SLC45A4: variants seen among roughly 807,000 people sequenced by gnomAD.
The protein encoded by SLC45A4 is polyamine-transporter SLC45A4.
Under a neutral mutation model 63.7 loss-of-function variants are expected in SLC45A4, and 32 were observed. The ratio of observed to expected loss-of-function variants is 0.50; its 90% CI spans 0.38 to 0.67. SLC45A4 has a LOEUF of 0.67. SLC45A4 is among the 30% of genes least tolerant of loss of function. The probability of loss-of-function intolerance (pLI) is 0.00; values close to 1 mark genes in which losing one functional copy is unlikely to be tolerated. For missense variants in SLC45A4, 1,027 were observed against 1,157.7 expected, an observed-to-expected ratio of 0.89 and a Z score of 1.64; for synonymous variants, 535 against 510.0, an observed-to-expected ratio of 1.05 and a Z score of -0.66.
intron 1 of SLC45A4, among the ~76,000 whole-genome samples, chr8:141,272,211 A>G (rs1229167530): frequency 6.6e-6 from 1 of 152,274 alleles, no homozygotes; most frequent in Non-Finnish European, 1.5e-5. Flanking sequence ...GCCATATTCT[A>G]ATCAGAGAAA....
chr8:141,217,923 A>T (rs1826269224), intron 5 of SLC45A4, 88 bp downstream of exon 5: 1 of 1,442,058 alleles, frequency 6.9e-7, no homozygotes, highest in African/African-American at 1.4e-5. Flanking sequence ...GGGCACGAGG[A>T]AGAGGCCCCC....
At chr8:141,306,649 A>T (rs891240790) in intron 1 of SLC45A4, among the ~76,000 whole-genome samples, 1 of 152,058 alleles carries the variant, frequency 6.6e-6, no homozygotes, top group South Asian at 2.1e-4. Context: ...TTGTTTTCTT[A>T]TTTTTTCCTA....
intron 5 of SLC45A4, among the ~76,000 whole-genome samples, chr8:141,217,513 C>T (rs1307882047): frequency 6.6e-6 from 1 of 152,232 alleles, no homozygotes; most frequent in African/African-American, 2.4e-5. Flanking sequence ...CTCTCGGAGC[C>T]ACTGCATGGA....
At chr8:141,273,103 A>C (rs1589839333) in intron 1 of SLC45A4, among the ~76,000 whole-genome samples, 1 of 152,346 alleles carries the variant, frequency 6.6e-6, no homozygotes, top group South Asian at 2.1e-4. Context: ...CATGAAAACA[A>C]GGACACACTG....
Position 141,254,899 on chromosome 8 carries a change from G to A in SLC45A4, c.-400-270C>T, listed in dbSNP as rs533613208. The A allele has an allele frequency of 6.7e-4, 255 of 381,268 alleles. 3 individuals carry two copies. Among genetic ancestry groups the A allele is most frequent in the South Asian group, 4.8e-3 (236 of 49,254 alleles). 23.6% of individuals were successfully genotyped at this position (381,268 alleles called of 1,614,324 possible). A position where few individuals can be genotyped will look rare whatever the true frequency, so the allele number is the denominator to read the frequency against. On this transcript the variant is annotated intron_variant, in intron 1 of 8. Coordinates refer to ENST00000517878, the MANE Select transcript of SLC45A4 (RefSeq NM_001286646.2). This position sits in a 1 kb window ranked among gnomAD's most constrained non-coding sequence, Gnocchi z 4.5. ...GATCAAAGAACAGACAGAGAAAAAC[G>A]CTGGAAATATTCACTCTTTGGCCAG... is the stretch of plus-strand genomic sequence containing the variant.
intron 2 of SLC45A4, among the ~76,000 whole-genome samples, chr8:141,236,392 G>A (rs768341375): frequency 2.0e-5 from 3 of 152,170 alleles, no homozygotes; most frequent in Non-Finnish European, 4.4e-5. Flanking sequence ...CATATCAAGT[G>A]TCTAACAGTT....
rs563311497 is a variant in SLC45A4 at position 141,243,274 on chromosome 8, G to A, written c.241+10715C>T. On this transcript the variant is annotated intron_variant, in intron 2 of 8. Transcript: ENST00000517878. ...GGTTTGAGCAAGCCTACACAGCGGT[G>A]TGGGGATGTGACCGAGAGCAGCTCC... Among the ~76,000 whole-genome samples, 9 of 152,314 alleles carry A rather than the reference G, an allele frequency of 5.9e-5. No homozygotes were observed. The East Asian group carries it at 1.7e-3, about 29-fold the overall frequency.
chr8:141,258,235 G>A (rs977520675), intron 1 of SLC45A4, among the ~76,000 whole-genome samples: 1 of 152,124 alleles, frequency 6.6e-6, no homozygotes, highest in Non-Finnish European at 1.5e-5. Flanking sequence ...TAACAGGAAA[G>A]AAGGCGACGG....
chr8:141,254,470 C>G lies in SLC45A4; in HGVS notation c.-241G>C. On this transcript the variant is annotated 5_prime_UTR_variant, in exon 2 of 9. Transcript: ENST00000517878. This position sits in a 1 kb window ranked among gnomAD's most constrained non-coding sequence, Gnocchi z 4.5. ...TTTAAACATATGGCTTGCTGGTTTACTGTGAATTAGAGTTAAAAATCCATA... is the reference window on the plus strand; with the variant it reads ...TTTAAACATATGGCTTGCTGGTTTAGTGTGAATTAGAGTTAAAAATCCATA... The G allele has an allele frequency of 1.5e-6, 1 of 667,526 alleles. No homozygotes were observed. The highest frequency in any genetic ancestry group is 1.6e-5 in the South Asian group (1 of 61,472). The allele number at this position is 667,526 out of a possible 1,614,324, so 41.4% of individuals were successfully genotyped here. A position where few individuals can be genotyped will look rare whatever the true frequency, so the allele number is the denominator to read the frequency against.
chr8:141,231,434 G>A (rs896117543), intron 2 of SLC45A4, among the ~76,000 whole-genome samples: 1 of 152,230 alleles, frequency 6.6e-6, no homozygotes, highest in African/African-American at 2.4e-5. Context: ...CTAAGTCCCC[G>A]AGGTCAAAGG....
At position 141,254,858 on chromosome 8, in the gene SLC45A4, C is replaced by A. The variant is rs915578017; in HGVS notation, c.-400-229G>T. On this transcript the variant is annotated intron_variant, in intron 1 of 8. Transcript: ENST00000517878. The surrounding 1 kb of genome is among the most constrained non-coding windows in gnomAD (Gnocchi z 4.5). ...ATCCTGGGGAAGGACAAAGGTGGGG[C>A]AATCAAGGAAAGCAGGATCAAAGAA... The A allele has an allele frequency of 4.8e-5, 21 of 436,450 alleles. No individual in the cohort carries two copies. Among genetic ancestry groups the A allele is most frequent in the African/African-American group, 3.8e-4 (19 of 49,774 alleles). The allele number at this position is 436,450 out of a possible 1,614,324, so 27.0% of individuals were successfully genotyped here.
intron 2 of SLC45A4, chr8:141,230,399 T>C: frequency 3.0e-6 from 1 of 328,626 alleles, no homozygotes; most frequent in East Asian, 8.4e-5. Context: ...GTGCCGAGGG[T>C]TCCCAGCACG....
chr8:141,269,173 G>C (rs1399848654), intron 1 of SLC45A4, among the ~76,000 whole-genome samples: 1 of 152,360 alleles, frequency 6.6e-6, no homozygotes, highest in East Asian at 1.9e-4. Flanking sequence ...CCCTGGCGGG[G>C]CAGCTACTAC....
chr8:141,258,059 CCTT>C (rs1452057053), intron 1 of SLC45A4, among the ~76,000 whole-genome samples: 211 of 114,762 alleles, frequency 1.8e-3, no homozygotes, highest in Non-Finnish European at 3.0e-3. Flanking sequence ...GTTTCTTCTT[CCTT>C]TTTTTTTTTT....
intron 2 of SLC45A4, among the ~76,000 whole-genome samples, chr8:141,236,180 T>C (rs950651230): frequency 3.9e-5 from 6 of 152,232 alleles, no homozygotes; most frequent in African/African-American, 1.4e-4. Flanking sequence ...CAGTGCCGAC[T>C]GTCCCTGAGG....
intron 1 of SLC45A4, among the ~76,000 whole-genome samples, chr8:141,281,922 G>A (rs1238645453): frequency 3.3e-5 from 5 of 151,908 alleles, no homozygotes; most frequent in Admixed American, 6.6e-5. Context: ...GGAGCTGCAC[G>A]GCACCTTTCC....
At position 141,208,554 on chromosome 8, in the gene SLC45A4, C is replaced by T. The variant is rs1825640519; in HGVS notation, c.*3018G>A. The T allele has an allele frequency of 6.6e-6, 1 of 152,506 alleles. No homozygotes were observed. Among genetic ancestry groups the T allele is most frequent in the Non-Finnish European group, 1.5e-5 (1 of 68,256 alleles). 9.4% of individuals were successfully genotyped at this position (152,506 alleles called of 1,614,324 possible). On this transcript the variant is annotated 3_prime_UTR_variant, in exon 9 of 9. Coordinates refer to ENST00000517878, the MANE Select transcript of SLC45A4 (RefSeq NM_001286646.2). ...CTGGACAGAGTGCTTCTCCCAGGGG[C>T]CTGAGGCTTTCAAGGGCAGGTGTCC...
At chr8:141,272,983 C>T (rs770172387) in intron 1 of SLC45A4, among the ~76,000 whole-genome samples, 1 of 152,166 alleles carries the variant, frequency 6.6e-6, no homozygotes, top group Non-Finnish European at 1.5e-5. Flanking sequence ...TAAACAGAAT[C>T]CCTCTTCATC....
At chr8:141,234,286 G>T (rs1368955899) in intron 2 of SLC45A4, among the ~76,000 whole-genome samples, 1 of 152,196 alleles carries the variant, frequency 6.6e-6, no homozygotes, top group African/African-American at 2.4e-5. Flanking sequence ...AGGACCTCAA[G>T]GAGGTCACCT....
Sources: gnomAD v4.1 joint callset for allele counts (sites outside exome capture counted in the v4.1 genomes callset) on GRCh38, gnomAD v4.1.1 for gene constraint, Gnocchi (gnomAD v3.1) non-coding constraint, MANE v1.5 for transcripts, NCBI Gene and HGNC (gene_info 2026-07-23, HGNC 2026-07-21) for gene names.